Variants in MNAT1 observed in about 807,000 individuals in gnomAD.
MNAT1 encodes the protein CDK-activating kinase assembly factor MAT1.
MNAT1 carries 43 observed loss-of-function variants against 42.0 expected under a neutral mutation model. The ratio of observed to expected loss-of-function variants is 1.02; its 90% confidence interval spans 0.80 to 1.32. The LOEUF is 1.32. MNAT1 is among the 40% of genes most tolerant of loss of function. The probability of loss-of-function intolerance (pLI) is 0.00; values close to 1 mark genes in which losing one functional copy is unlikely to be tolerated. For missense variants in MNAT1, 306 were observed against 350.4 expected, an observed-to-expected ratio of 0.87 and a Z score of 1.01; for synonymous variants, 118 against 120.0, an observed-to-expected ratio of 0.98 and a Z score of 0.11.
intron 1 of MNAT1, among the ~76,000 whole-genome samples, chr14:60,795,940 C>G (rs1039253549): frequency 1.3e-5 from 2 of 152,158 alleles, no homozygotes; most frequent in African/African-American, 4.8e-5. Flanking sequence ...TGACTTCTCC[C>G]TATCCTGCTC....
At chr14:60,961,618 T>C (rs2036594030) in intron 7 of MNAT1, among the ~76,000 whole-genome samples, 1 of 152,228 alleles carries the variant, frequency 6.6e-6, no homozygotes, top group South Asian at 2.1e-4. Context: ...TTCTCATTTG[T>C]AATATTCATT....
chr14:60,932,256 A>G (rs1173109352), intron 7 of MNAT1, among the ~76,000 whole-genome samples: 1 of 151,960 alleles, frequency 6.6e-6, no homozygotes, highest in East Asian at 1.9e-4. Context: ...TGTAGTATAA[A>G]ATCACTTTTT....
chr14:60,846,205 AG>A (rs1212742097), intron 6 of MNAT1, among the ~76,000 whole-genome samples: 29 of 146,058 alleles, frequency 2.0e-4, no homozygotes, highest in African/African-American at 6.6e-4. Context: ...TGATATTTTG[AG>A]TATTCCTAGA....
intron 6 of MNAT1, among the ~76,000 whole-genome samples, chr14:60,861,898 T>G (rs1237629671): frequency 2.0e-5 from 3 of 152,218 alleles, no homozygotes; most frequent in African/African-American, 4.8e-5. Context: ...CCACATGATA[T>G]CAGATGTGTT....
intron 7 of MNAT1, among the ~76,000 whole-genome samples, chr14:60,946,395 G>A (rs1239881546): frequency 1.3e-5 from 2 of 152,224 alleles, no homozygotes; most frequent in Admixed American, 6.5e-5. Context: ...ATTCACAATC[G>A]ACTTGCTAAT....
At chr14:60,895,452 G>A (rs539273294) in intron 7 of MNAT1, among the ~76,000 whole-genome samples, 3 of 152,250 alleles carry the variant, frequency 2.0e-5, no homozygotes, top group Admixed American at 6.5e-5. Flanking sequence ...TGTCCATGTC[G>A]TTGCTAGAAG....
Position 60,734,996 on chromosome 14 carries a change from G to A in MNAT1, c.89+45G>A, listed in dbSNP as rs1015159566. 3 of 1,587,450 alleles carry A rather than the reference G, an allele frequency of 1.9e-6. No homozygotes were observed. The highest frequency in any genetic ancestry group is 2.6e-6 in the Non-Finnish European group (3 of 1,155,740). On this transcript the variant is annotated intron_variant, in intron 1 of 7. Transcript: ENST00000261245. This position sits in a 1 kb window ranked among gnomAD's most constrained non-coding sequence, Gnocchi z 4.3. ...ATTCCCTGGGGGAGAGACGCGCTGG[G>A]TGGGAGGAGAGGACCGGGAGATGCT...
intron 6 of MNAT1, among the ~76,000 whole-genome samples, chr14:60,819,597 A>G (rs991143442): frequency 2.0e-5 from 3 of 152,174 alleles, no homozygotes; most frequent in Non-Finnish European, 4.4e-5. Flanking sequence ...TGTTTTGGTT[A>G]TTACATATTG....
intron 1 of MNAT1, among the ~76,000 whole-genome samples, chr14:60,769,475 G>A (rs1005729018): frequency 2.0e-5 from 3 of 151,198 alleles, no homozygotes; most frequent in Non-Finnish European, 2.9e-5. Flanking sequence ...CAGATATGGC[G>A]GTCTAACTTT....
At chr14:60,951,856 A>G (rs2036390223) in intron 7 of MNAT1, among the ~76,000 whole-genome samples, 1 of 151,870 alleles carries the variant, frequency 6.6e-6, no homozygotes, top group African/African-American at 2.4e-5. Flanking sequence ...ATAGAGATTC[A>G]TATTTGCTTC....
intron 1 of MNAT1, among the ~76,000 whole-genome samples, chr14:60,764,170 TG>T: frequency 6.6e-6 from 1 of 152,198 alleles, no homozygotes; most frequent in South Asian, 2.1e-4. Flanking sequence ...TATTTGTTAG[TG>T]GTATGATATA....
intron 7 of MNAT1, among the ~76,000 whole-genome samples, chr14:60,885,210 A>T (rs889438529): frequency 2.0e-5 from 3 of 151,810 alleles, no homozygotes; most frequent in Non-Finnish European, 4.4e-5. Flanking sequence ...GTACTTGAAT[A>T]GTTGAATATT....
At chr14:60,934,062 T>G (rs115058577) in intron 7 of MNAT1, among the ~76,000 whole-genome samples, 401 of 152,280 alleles carry the variant, frequency 2.6e-3, no homozygotes, top group African/African-American at 9.2e-3. Flanking sequence ...AAGGTAGAGA[T>G]GTACATAAGC....
At chr14:60,754,341 C>CTTTT (rs1302508545) in intron 1 of MNAT1, among the ~76,000 whole-genome samples, 5 of 126,218 alleles carry the variant, frequency 4.0e-5, no homozygotes, top group Non-Finnish European at 5.1e-5. Flanking sequence ...GAAATTTCTT[C>CTTTT]TTTTTTTTTT....
chr14:60,846,980 A>G (rs1411176731), intron 6 of MNAT1, among the ~76,000 whole-genome samples: 1 of 152,112 alleles, frequency 6.6e-6, no homozygotes, highest in African/African-American at 2.4e-5. Context: ...TTCTCTCTCA[A>G]TTCTGTCCAG....
intron 4 of MNAT1, among the ~76,000 whole-genome samples, chr14:60,810,893 T>G (rs902412782): frequency 6.6e-6 from 1 of 152,188 alleles, no homozygotes; most frequent in African/African-American, 2.4e-5. Flanking sequence ...TATAAAGTTG[T>G]TTAAGACTCC....
intron 1 of MNAT1, 113 bp downstream of exon 1, chr14:60,735,064 T>C (rs1896266067): frequency 1.0e-6 from 1 of 989,258 alleles, no homozygotes; most frequent in Non-Finnish European, 1.6e-6. Context: ...GTTTCAACAC[T>C]GGGGAGGAAA....
At chr14:60,778,677 C>G (rs1317236433) in intron 1 of MNAT1, among the ~76,000 whole-genome samples, 3 of 152,078 alleles carry the variant, frequency 2.0e-5, no homozygotes, top group Non-Finnish European at 4.4e-5. Flanking sequence ...GTTCATGAAT[C>G]CACTGGTCTT....
intron 6 of MNAT1, among the ~76,000 whole-genome samples, chr14:60,842,634 T>G (rs540417666): frequency 6.6e-6 from 1 of 152,340 alleles, no homozygotes; most frequent in East Asian, 1.9e-4. Context: ...GCAGAATATT[T>G]TGAGACTTGT....
Sources: gnomAD v4.1 joint callset for allele counts (sites outside exome capture counted in the v4.1 genomes callset) on GRCh38, gnomAD v4.1.1 for gene constraint, Gnocchi (gnomAD v3.1) non-coding constraint, MANE v1.5 for transcripts, NCBI Gene and HGNC (gene_info 2026-07-23, HGNC 2026-07-21) for gene names.